OR1J2: variants seen among roughly 807,000 people sequenced by gnomAD.
OR1J2 encodes olfactory receptor family 1 subfamily J member 2, also known as olfactory receptor 1J2.
For synonymous variants in OR1J2, 142 were observed against 99.7 expected, an observed-to-expected ratio of 1.42 and a Z score of -2.52; for missense variants, 304 against 246.1, an observed-to-expected ratio of 1.24 and a Z score of -1.57.
the OR1J2 span, chr9:122,519,192 C>G: frequency 3.1e-6 from 5 of 1,613,668 alleles, no homozygotes; most frequent in Non-Finnish European, 4.2e-6. Flanking sequence ...CCTGGACCTC[C>G]CCATCTGGCC....
chr9:122,539,836 G>C, the OR1J2 span, among the ~76,000 whole-genome samples: 1 of 152,130 alleles, frequency 6.6e-6, no homozygotes, highest in African/African-American at 2.4e-5. Context: ...ATCTCACTGT[G>C]GTTTTGATTT....
the OR1J2 span, chr9:122,553,343 G>GA: frequency 6.2e-7 from 1 of 1,613,910 alleles, no homozygotes; most frequent in Non-Finnish European, 8.5e-7. Context: ...CCATGGTGGG[G>GA]AACCTGCTCA....
At chr9:122,485,748 C>T in the OR1J2 span, among the ~76,000 whole-genome samples, 5 of 152,150 alleles carry the variant, frequency 3.3e-5, no homozygotes, top group African/African-American at 9.7e-5. Flanking sequence ...CACTGGCTTT[C>T]TCAGACAAAG....
the OR1J2 span, among the ~76,000 whole-genome samples, chr9:122,490,616 G>A: frequency 6.6e-6 from 1 of 152,264 alleles, no homozygotes; most frequent in Non-Finnish European, 1.5e-5. Context: ...CAGTGAAAGG[G>A]AGAGAAACAG....
the OR1J2 span, chr9:122,526,815 A>C: frequency 1.2e-6 from 2 of 1,614,152 alleles, no homozygotes; most frequent in South Asian, 2.2e-5. Context: ...CCGAGCCATG[A>C]GGAACGTGTG....
At chr9:122,458,737 G>A in the OR1J2 span, among the ~76,000 whole-genome samples, 2 of 152,148 alleles carry the variant, frequency 1.3e-5, no homozygotes, top group Non-Finnish European at 2.9e-5. Context: ...AATGAGATTT[G>A]GGTGGGTACA....
chr9:122,513,687 C>G (rs1416071799), downstream of OR1J2, among the ~76,000 whole-genome samples: 1 of 151,950 alleles, frequency 6.6e-6, no homozygotes, highest in South Asian at 2.1e-4. Context: ...TGCTGTCCCT[C>G]CCCTTGCTCC....
chr9:122,451,844 G>C, the OR1J2 span, among the ~76,000 whole-genome samples: 1 of 152,084 alleles, frequency 6.6e-6, no homozygotes, highest in Non-Finnish European at 1.5e-5. Flanking sequence ...GTTCCCTCTG[G>C]TCTGGGGGCA....
In OR1J2 at chr9:122,510,909, G is replaced by A; in HGVS notation, c.108G>A (p.Leu36=). ...VFFTLFLGMY[L]TTVLGNLLIM... ...TCACCCTGTTCCTGGGCATGTACCT[G>A]ACCACGGTGCTGGGGAACCTGCTCA... Residue 36 remains leucine, a synonymous_variant, in exon 1 of 1, where the codon CTG becomes CTA. Coordinates refer to ENST00000335302, the MANE Select transcript of OR1J2 (RefSeq NM_054107.1). 1 of 1,612,430 alleles carries A rather than the reference G, an allele frequency of 6.2e-7. No homozygotes were observed. Among genetic ancestry groups the A allele is most frequent in the South Asian group, 1.1e-5 (1 of 91,036 alleles).
the OR1J2 span, among the ~76,000 whole-genome samples, chr9:122,528,969 C>A: frequency 6.6e-6 from 1 of 151,962 alleles, no homozygotes; most frequent in Admixed American, 6.6e-5. Context: ...TTTCTTTGTC[C>A]TGATTTATAT....
At chr9:122,476,926 T>A in the OR1J2 span, 2 of 949,330 alleles carry the variant, frequency 2.1e-6, no homozygotes, top group African/African-American at 1.6e-5. Context: ...CAGGCTGGTC[T>A]CGAACTCCTG....
the OR1J2 span, among the ~76,000 whole-genome samples, chr9:122,489,856 A>G: frequency 1.3e-5 from 2 of 152,208 alleles, no homozygotes; most frequent in African/African-American, 2.4e-5. Flanking sequence ...TTACAGATAC[A>G]TGGTAAGCAC....
At chr9:122,477,896 C>CA in the OR1J2 span, 3 of 1,609,030 alleles carry the variant, frequency 1.9e-6, no homozygotes, top group African/African-American at 4.0e-5. Flanking sequence ...AGGAGGAACT[C>CA]GGACACGCTG....
chr9:122,534,541 G>A, the OR1J2 span, among the ~76,000 whole-genome samples: 1 of 152,164 alleles, frequency 6.6e-6, no homozygotes, highest in African/African-American at 2.4e-5. Flanking sequence ...GGCAGGTGGG[G>A]GAGGGCTAGT....
chr9:122,553,979 G>C, the OR1J2 span: 3 of 1,613,350 alleles, frequency 1.9e-6, no homozygotes, highest in African/African-American at 2.7e-5. Flanking sequence ...TCTTCTATGG[G>C]TCTCTTATGG....
Position 122,511,464 on chromosome 9 carries a change from T to C in OR1J2, c.663T>C (p.Ile221=), listed in dbSNP as rs1828635299. The C allele has an allele frequency of 1.3e-6, 1 of 780,260 alleles. No individual in the cohort carries two copies. Among genetic ancestry groups the C allele is most frequent in the African/African-American group, 1.7e-5 (1 of 59,100 alleles). The allele number at this position is 780,260 out of a possible 1,614,324, so 48.3% of individuals were successfully genotyped here. A position where few individuals can be genotyped will look rare whatever the true frequency, so the allele number is the denominator to read the frequency against. The change falls in exon 1 of 1, where the codon ATT becomes ATC. Residue 221 remains isoleucine (I), a synonymous_variant. Transcript: ENST00000335302. ...FMCILVSYGY[I]GATILRVPST... ...GTATCCTGGTATCATATGGCTACAT[T>C]GGGGCCACCATCCTGAGGGTCCCTT...
chr9:122,559,378 G>A, the OR1J2 span, among the ~76,000 whole-genome samples: 1 of 151,954 alleles, frequency 6.6e-6, no homozygotes, highest in African/African-American at 2.4e-5. Flanking sequence ...AGGTATATGT[G>A]TGCCATAGTG....
chr9:122,535,241 T>A, the OR1J2 span, among the ~76,000 whole-genome samples: 5 of 151,584 alleles, frequency 3.3e-5, no homozygotes, highest in Non-Finnish European at 1.5e-5. Context: ...GGGATCGGGG[T>A]GCAGAGATAA....
the OR1J2 span, among the ~76,000 whole-genome samples, chr9:122,452,461 C>T: frequency 6.6e-6 from 1 of 152,190 alleles, no homozygotes; most frequent in African/African-American, 2.4e-5. Context: ...GCCTGCAGCA[C>T]AACTGCTATT....
Sources: allele counts gnomAD v4.1 joint callset (sites outside exome capture counted in the v4.1 genomes callset), GRCh38; gene constraint gnomAD v4.1.1; transcripts MANE v1.5; gene names NCBI Gene and HGNC (gene_info 2026-07-23, HGNC 2026-07-21).